The following OR52N4 variants were observed in gnomAD, a reference collection of about 807,000 sequenced individuals.
OR52N4 encodes the protein olfactory receptor 52N4.
A neutral mutation model predicts 15.0 loss-of-function variants in OR52N4; 15 were observed. That is an observed-to-expected ratio of 1.00 (90% CI 0.67 to 1.54). OR52N4 has a LOEUF of 1.54. Ranked by LOEUF, OR52N4 falls within the 40% of genes most tolerant of loss-of-function variation. The pLI is 0.00. For missense variants in OR52N4, 421 were observed against 394.0 expected (o/e 1.07, Z -0.58); for synonymous variants, 143 against 143.7 (o/e 1.00, Z 0.03).
chr11:5,738,230 T>C, the OR52N4 span: 140,734 of 152,286 alleles, frequency 0.92, 65,189 homozygotes, highest in Non-Finnish European at 0.96. Context: ...TGACAGATTA[T>C]AGTTCAAGAG....
At chr11:5,751,101 C>G (rs59539815), upstream of OR52N4, among the ~76,000 whole-genome samples, 13,304 of 152,012 alleles carry the variant, frequency 0.088, 698 homozygotes, top group South Asian at 0.13. Context: ...TTTGTCTTCT[C>G]AAAGTGATCT....
Position 5,754,709 on chromosome 11 carries a change from T to C in OR52N4, c.-32T>C. 1 of 1,548,920 alleles carries C rather than the reference T, an allele frequency of 6.5e-7. No homozygotes were observed. Among genetic ancestry groups the C allele is most frequent in the East Asian group, 2.3e-5 (1 of 44,076 alleles). ...TAACTCTAGGAAAGCCCAGACAAATTTTGAGCTATTTCATAACCTACCAGA... is the reference window on the plus strand; with the variant it reads ...TAACTCTAGGAAAGCCCAGACAAATCTTGAGCTATTTCATAACCTACCAGA... On this transcript the variant is annotated 5_prime_UTR_variant, in exon 2 of 2. Coordinates refer to ENST00000641350, the MANE Select transcript of OR52N4 (RefSeq NM_001005175.5).
At chr11:5,752,778 C>A (rs1212227856), upstream of OR52N4, among the ~76,000 whole-genome samples, 1 of 152,112 alleles carries the variant, frequency 6.6e-6, no homozygotes, top group African/African-American at 2.4e-5. Context: ...TAACAGGACC[C>A]TTCTACCACA....
the OR52N4 span, among the ~76,000 whole-genome samples, chr11:5,739,561 CAAA>C: frequency 1.3e-4 from 6 of 44,870 alleles, no homozygotes; most frequent in African/African-American, 4.0e-4. Flanking sequence ...GACTCTGACT[CAAA>C]AAAAAAAAAA....
chr11:5,755,709 G>T lies in OR52N4; in HGVS notation c.*3G>T. 1 of 1,610,832 alleles carries T rather than the reference G, an allele frequency of 6.2e-7. No homozygotes were observed. The highest frequency in any genetic ancestry group is 1.1e-5 in the South Asian group (1 of 90,678). On this transcript the variant is annotated 3_prime_UTR_variant, in exon 2 of 2. Transcript: ENST00000641350. ...ATACCAAATCCTACAGCATGTGAAT[G>T]AACACTTGCCAGGAGTGAGAAGAGA...
At chr11:5,730,665 A>G in the OR52N4 span, among the ~76,000 whole-genome samples, 2 of 150,802 alleles carry the variant, frequency 1.3e-5, no homozygotes, top group East Asian at 1.9e-4. Context: ...TGACTTTTAA[A>G]TGTTGGTGTT....
chr11:5,734,036 A>G, the OR52N4 span: 1 of 356,094 alleles, frequency 2.8e-6, no homozygotes, highest in South Asian at 2.2e-5. Flanking sequence ...TGCAAATGAG[A>G]TCTATTATGC....
the OR52N4 span, chr11:5,727,419 G>C: frequency 6.6e-6 from 1 of 152,180 alleles, no homozygotes; most frequent in African/African-American, 2.4e-5. Context: ...GAGTTGTCAG[G>C]GTGTTTCAAA....
the OR52N4 span, among the ~76,000 whole-genome samples, chr11:5,727,727 T>C: frequency 6.6e-6 from 1 of 152,308 alleles, no homozygotes; most frequent in Admixed American, 6.5e-5. Context: ...GTTTCTACCC[T>C]GCTGCAGTTT....
the OR52N4 span, among the ~76,000 whole-genome samples, chr11:5,731,512 T>C: frequency 6.6e-6 from 1 of 152,224 alleles, no homozygotes; most frequent in Non-Finnish European, 1.5e-5. Flanking sequence ...AGTTTCTCAT[T>C]AATCTGCAGC....
At chr11:5,732,062 C>T in the OR52N4 span, among the ~76,000 whole-genome samples, 5 of 151,938 alleles carry the variant, frequency 3.3e-5, no homozygotes, top group Admixed American at 2.0e-4. Context: ...TTTATTCTTT[C>T]GCAATTTTGA....
the OR52N4 span, among the ~76,000 whole-genome samples, chr11:5,742,165 A>G: frequency 6.6e-6 from 1 of 151,980 alleles, no homozygotes; most frequent in Non-Finnish European, 1.5e-5. Flanking sequence ...AAACAGAAAA[A>G]AGGAAGGAAG....
At chr11:5,747,721 C>T in the OR52N4 span, among the ~76,000 whole-genome samples, 1 of 151,964 alleles carries the variant, frequency 6.6e-6, no homozygotes, top group African/African-American at 2.4e-5. Flanking sequence ...TTAAACCAAT[C>T]CAGATCTTAT....
At chr11:5,748,469 CTAATT>C in the OR52N4 span, among the ~76,000 whole-genome samples, 2 of 150,390 alleles carry the variant, frequency 1.3e-5, no homozygotes, top group Non-Finnish European at 3.0e-5. Context: ...CTAATTTTTC[CTAATT>C]TAATATATAA....
At chr11:5,731,403 G>A in the OR52N4 span, among the ~76,000 whole-genome samples, 4 of 152,120 alleles carry the variant, frequency 2.6e-5, no homozygotes, top group East Asian at 1.9e-4. Flanking sequence ...TGATAATATC[G>A]AATTATTATT....
At chr11:5,750,900 TGA>T (rs1288840734), upstream of OR52N4, among the ~76,000 whole-genome samples, 1 of 152,168 alleles carries the variant, frequency 6.6e-6, no homozygotes, top group East Asian at 1.9e-4. Context: ...AATTTAAAAA[TGA>T]GTTTATAAGC....
chr11:5,746,130 C>G, the OR52N4 span, among the ~76,000 whole-genome samples: 2 of 152,094 alleles, frequency 1.3e-5, no homozygotes, highest in Non-Finnish European at 2.9e-5. Context: ...ACCTCTATCT[C>G]TCATTATATG....
upstream of OR52N4, among the ~76,000 whole-genome samples, chr11:5,751,593 T>C (rs1487697843): frequency 2.6e-5 from 4 of 152,130 alleles, no homozygotes; most frequent in Non-Finnish European, 5.9e-5. Context: ...TAGATTATAA[T>C]TTAATAATTA....
chr11:5,745,024 T>C, the OR52N4 span, among the ~76,000 whole-genome samples: 1 of 152,008 alleles, frequency 6.6e-6, no homozygotes, highest in Non-Finnish European at 1.5e-5. Flanking sequence ...GTTAACAAAC[T>C]AGGCACTGAG....
Sources: gnomAD v4.1 joint callset for allele counts (sites outside exome capture counted in the v4.1 genomes callset) on GRCh38, gnomAD v4.1.1 for gene constraint, MANE v1.5 for transcripts, NCBI Gene and HGNC (gene_info 2026-07-23, HGNC 2026-07-21) for gene names.